Variants in ITPRID1 observed in about 807,000 individuals in gnomAD.
The protein encoded by ITPRID1 is ITPR interacting domain containing 1.
Under a neutral mutation model 95.4 loss-of-function variants are expected in ITPRID1, and 96 were observed. That is an observed-to-expected ratio of 1.01 (90% CI 0.85 to 1.19). ITPRID1 has a LOEUF of 1.19. ITPRID1 is among the 50% of genes most tolerant of loss of function. The pLI, the probability that ITPRID1 is intolerant of heterozygous loss-of-function variation, is 0.00. For synonymous variants in ITPRID1, 510 were observed against 453.6 expected (o/e 1.12, Z -1.58); for missense variants, 1,339 against 1,252.9 (o/e 1.07, Z -1.04).
intron 1 of ITPRID1, among the ~76,000 whole-genome samples, chr7:31,518,620 T>C (rs1252557661): frequency 1.3e-5 from 2 of 152,182 alleles, no homozygotes; most frequent in African/African-American, 4.8e-5. Context: ...GAAAAAGCGG[T>C]ATAATTAGAA....
At chr7:31,567,467 T>C (rs1784838135) in intron 5 of ITPRID1, among the ~76,000 whole-genome samples, 1 of 152,164 alleles carries the variant, frequency 6.6e-6, no homozygotes, top group South Asian at 2.1e-4. Flanking sequence ...AGTGACAAAA[T>C]TGGTAATGAT....
At chr7:31,638,091 A>G (rs1188874250) in intron 10 of ITPRID1, among the ~76,000 whole-genome samples, 4 of 152,210 alleles carry the variant, frequency 2.6e-5, no homozygotes, top group African/African-American at 9.6e-5. Context: ...GGCCATTTGC[A>G]TAGTACTGAA....
intron 10 of ITPRID1, among the ~76,000 whole-genome samples, chr7:31,614,126 T>C (rs1010170483): frequency 2.0e-5 from 3 of 152,190 alleles, no homozygotes; most frequent in Non-Finnish European, 4.4e-5. Flanking sequence ...CAATGTTCTT[T>C]ACCCCAGATA....
intron 1 of ITPRID1, among the ~76,000 whole-genome samples, chr7:31,537,658 C>T (rs1043719891): frequency 6.6e-6 from 1 of 152,044 alleles, no homozygotes; most frequent in Non-Finnish European, 1.5e-5. Context: ...TTTCACTGTT[C>T]TTATTCCATT....
chr7:31,652,296 T>C (rs1413393822), intron 14 of ITPRID1, among the ~76,000 whole-genome samples: 1 of 152,080 alleles, frequency 6.6e-6, no homozygotes, highest in Non-Finnish European at 1.5e-5. Context: ...CATAGAGAAG[T>C]CCTATTAGCC....
At chr7:31,573,336 C>T (rs1785057719) in intron 7 of ITPRID1, among the ~76,000 whole-genome samples, 2 of 150,776 alleles carry the variant, frequency 1.3e-5, no homozygotes, top group South Asian at 4.2e-4. Context: ...CATAGATACA[C>T]ACAATTATTA....
At chr7:31,541,824 T>C (rs1474616554) in intron 1 of ITPRID1, among the ~76,000 whole-genome samples, 1 of 152,168 alleles carries the variant, frequency 6.6e-6, no homozygotes, top group African/African-American at 2.4e-5. Context: ...TAGACCCTTT[T>C]TAACCCTTTA....
At chr7:31,637,773 G>A (rs1276473728) in intron 10 of ITPRID1, among the ~76,000 whole-genome samples, 4 of 152,148 alleles carry the variant, frequency 2.6e-5, no homozygotes, top group Non-Finnish European at 5.9e-5. Flanking sequence ...GGCTTTTGTT[G>A]CCATTGCTTT....
At chr7:31,603,219 A>G (rs1054226071) in intron 10 of ITPRID1, among the ~76,000 whole-genome samples, 3 of 151,960 alleles carry the variant, frequency 2.0e-5, no homozygotes, top group African/African-American at 7.3e-5. Flanking sequence ...ATGACATGGA[A>G]CCTCACTATT....
chr7:31,652,844 GT>G lies in ITPRID1; in HGVS notation c.*17del, dbSNP rs745629487. The G allele has an allele frequency of 2.5e-6, 4 of 1,602,626 alleles. No individual in the cohort carries two copies. The highest frequency in any genetic ancestry group is 2.6e-6 in the Non-Finnish European group (3 of 1,170,880). On this transcript the variant is annotated 3_prime_UTR_variant, in exon 15 of 15. Transcript: ENST00000615280. ...TCTTCCTCTAGATCAGAGCAGGTTTGTTAACCTTCATACAAAATATAAAGGC... is the reference window on the plus strand; with the variant it reads ...TCTTCCTCTAGATCAGAGCAGGTTTGTAACCTTCATACAAAATATAAAGGC...
chr7:31,569,613 T>G, intron 5 of ITPRID1, 145 bp from the exon 6 acceptor site: 1 of 636,610 alleles, frequency 1.6e-6, no homozygotes. Flanking sequence ...ATTCTGTCTA[T>G]TCACTGCAGT....
intron 9 of ITPRID1, among the ~76,000 whole-genome samples, chr7:31,582,050 G>A (rs1296654364): frequency 1.3e-5 from 2 of 152,176 alleles, no homozygotes; most frequent in African/African-American, 4.8e-5. Flanking sequence ...TGTTTAAAAT[G>A]TTTATGTCCT....
At chr7:31,552,792 A>G (rs533885416) in intron 2 of ITPRID1, among the ~76,000 whole-genome samples, 2 of 152,300 alleles carry the variant, frequency 1.3e-5, no homozygotes, top group East Asian at 3.9e-4. Flanking sequence ...CTTGAGTCCC[A>G]GGCTGCTTTG....
At chr7:31,618,548 T>C (rs1478794932) in intron 10 of ITPRID1, among the ~76,000 whole-genome samples, 2 of 151,894 alleles carry the variant, frequency 1.3e-5, no homozygotes, top group African/African-American at 4.8e-5. Context: ...TCAGAAAAGG[T>C]AGAGATGATG....
rs1791084017 is a variant in ITPRID1, at chr7:31,652,821, T to C, written c.3127T>C (p.Phe1043Leu). 6.2e-7 allele frequency: 1 copy of C among 1,612,708 alleles called. No individual in the cohort carries two copies. The highest frequency in any genetic ancestry group is 1.7e-4 in the Middle Eastern group (1 of 6,054). Reference sequence around the variant, plus strand: ...TGTTGGAGAAAAGGATGCAGATGTCTTCCTCTAGATCAGAGCAGGTTTGTT... The same window carrying C: ...TGTTGGAGAAAAGGATGCAGATGTCCTCCTCTAGATCAGAGCAGGTTTGTT... ...CPVGEKDADV[F>L]L The change falls in exon 15 of 15, where the codon TTC becomes CTC. Residue 1043 changes from phenylalanine (F) to leucine (L), a missense_variant. Physicochemically the swap from Phe to Leu is conservative, Grantham distance 22. Coordinates refer to ENST00000615280, the MANE Select transcript of ITPRID1 (RefSeq NM_001257967.3).
chr7:31,559,062 A>G (rs1562568751), intron 5 of ITPRID1, among the ~76,000 whole-genome samples: 1 of 152,184 alleles, frequency 6.6e-6, no homozygotes. Context: ...CTATAGGTAC[A>G]AATTAGGTTA....
At chr7:31,538,286 T>C (rs1783826832) in intron 1 of ITPRID1, among the ~76,000 whole-genome samples, 1 of 152,186 alleles carries the variant, frequency 6.6e-6, no homozygotes, top group Non-Finnish European at 1.5e-5. Context: ...ACTATGTATG[T>C]AGTGTCTTTC....
intron 5 of ITPRID1, among the ~76,000 whole-genome samples, chr7:31,564,946 A>G (rs1457263852): frequency 6.6e-6 from 1 of 152,184 alleles, no homozygotes; most frequent in Non-Finnish European, 1.5e-5. Flanking sequence ...TCTCCATTCA[A>G]GTTCATTATT....
At chr7:31,578,619 AC>A (rs998649835) in intron 9 of ITPRID1, among the ~76,000 whole-genome samples, 185 bp downstream of exon 9, 1 of 152,192 alleles carries the variant, frequency 6.6e-6, no homozygotes, top group Non-Finnish European at 1.5e-5. Context: ...CTAGTAGGAA[AC>A]CAGCCTCTGC....
Sources: gnomAD v4.1 joint callset for allele counts (sites outside exome capture counted in the v4.1 genomes callset) on GRCh38, gnomAD v4.1.1 for gene constraint, MANE v1.5 for transcripts, NCBI Gene and HGNC (gene_info 2026-07-23, HGNC 2026-07-21) for gene names.